The following MOCS1 variants were observed in gnomAD, a reference collection of about 807,000 sequenced individuals.
MOCS1 encodes molybdenum cofactor biosynthesis protein 1.
A neutral mutation model predicts 57.6 loss-of-function variants in MOCS1; 39 were observed. The observed-to-expected ratio is 0.68, with a 90% CI of 0.52 to 0.88. MOCS1 has a LOEUF of 0.88. Among genes scored for constraint, MOCS1 ranks in the 40% least tolerant of loss-of-function variants. The probability of loss-of-function intolerance (pLI) is 0.00; values close to 1 mark genes in which losing one functional copy is unlikely to be tolerated. For missense variants in MOCS1, 795 were observed against 831.1 expected (o/e 0.96, Z 0.53); for synonymous variants, 334 against 335.7 (o/e 1.00, Z 0.05).
intron 1 of MOCS1, 78 bp from the exon 2 acceptor site, chr6:39,927,533 C>T (rs781408309): frequency 1.2e-6 from 2 of 1,611,298 alleles, no homozygotes; most frequent in Non-Finnish European, 1.7e-6. Flanking sequence ...CCGCCTGCCC[C>T]CTCCCTTACT....
In MOCS1 at chr6:39,905,699, G is replaced by A. The variant is rs764149263; in HGVS notation, c.*658C>T. On this transcript the variant is annotated 3_prime_UTR_variant, in exon 11 of 11. Transcript: ENST00000340692. ...GTCCTTAGGGCTATGGCCCATGTGTGCACATCCTGTTTCAGAAGAGGGGGG... is the reference window on the plus strand; with the variant it reads ...GTCCTTAGGGCTATGGCCCATGTGTACACATCCTGTTTCAGAAGAGGGGGG... 1.5e-5 allele frequency: 7 copies of A among 471,074 alleles called. No homozygotes were observed. The highest frequency in any genetic ancestry group is 8.0e-5 in the African/African-American group (4 of 50,076). The allele number at this position is 471,074 out of a possible 1,614,324, so 29.2% of individuals were successfully genotyped here.
intron 1 of MOCS1, among the ~76,000 whole-genome samples, chr6:39,931,566 G>A (rs1361693325): frequency 6.6e-6 from 1 of 152,036 alleles, no homozygotes; most frequent in African/African-American, 2.4e-5. Context: ...AGCTTCTGAG[G>A]AGGACAGTCA....
intron 9 of MOCS1, among the ~76,000 whole-genome samples, chr6:39,909,565 C>T (rs951580565): frequency 6.6e-6 from 1 of 152,076 alleles, no homozygotes; most frequent in Non-Finnish European, 1.5e-5. Flanking sequence ...AATGACACCC[C>T]CTTCTCCCCA....
At chr6:39,928,341 T>C (rs1394289272) in intron 1 of MOCS1, among the ~76,000 whole-genome samples, 1 of 152,126 alleles carries the variant, frequency 6.6e-6, no homozygotes, top group Non-Finnish European at 1.5e-5. Flanking sequence ...ATTTTTTGTA[T>C]CTTTAGTAGA....
chr6:39,931,349 C>T (rs1768633758), intron 1 of MOCS1, among the ~76,000 whole-genome samples: 1 of 152,012 alleles, frequency 6.6e-6, no homozygotes, highest in Non-Finnish European at 1.5e-5. Flanking sequence ...CTAAACAGAG[C>T]AGCAGGGTTA....
chr6:39,924,624 A>C (rs1582831164), intron 3 of MOCS1, among the ~76,000 whole-genome samples: 1 of 152,218 alleles, frequency 6.6e-6, no homozygotes, highest in Non-Finnish European at 1.5e-5. Flanking sequence ...CTTTGTCAAC[A>C]CCATGCAACT....
intron 1 of MOCS1, among the ~76,000 whole-genome samples, chr6:39,933,541 A>T (rs2149428435): frequency 6.6e-6 from 1 of 152,240 alleles, no homozygotes; most frequent in East Asian, 1.9e-4. Flanking sequence ...TACCGAAAAG[A>T]GGTTTCACTA....
rs181482996 is a variant in MOCS1 at position 39,927,148 on chromosome 6, C to T, written c.250+181G>A. ...GGACACAGCTTCTATAATCATACAA[C>T]TCAGCCTTGACCCCTATCTTGCCCC... On this transcript the variant is annotated intron_variant, in intron 2 of 10. Coordinates refer to ENST00000340692, the MANE Select transcript of MOCS1 (RefSeq NM_001358530.2). 23 of 637,966 alleles carry T rather than the reference C, an allele frequency of 3.6e-5. No homozygotes were observed. The East Asian group carries it at 3.6e-4, about 10-fold the overall frequency. 39.5% of individuals were successfully genotyped at this position (637,966 alleles called of 1,614,324 possible).
intron 3 of MOCS1, among the ~76,000 whole-genome samples, chr6:39,922,828 G>T (rs1160936245): frequency 6.6e-6 from 1 of 152,190 alleles, no homozygotes; most frequent in Non-Finnish European, 1.5e-5. Flanking sequence ...CTGCCTCCAG[G>T]TGGGGGCCCC....
chr6:39,931,292 G>A (rs1027801185), intron 1 of MOCS1, among the ~76,000 whole-genome samples: 1 of 152,148 alleles, frequency 6.6e-6, no homozygotes, highest in Non-Finnish European at 1.5e-5. Context: ...CTCATCTTAG[G>A]CATCTGATTT....
chr6:39,927,471 A>T lies in MOCS1; in HGVS notation c.124-16T>A. On this transcript the variant is annotated splice_polypyrimidine_tract_variant and intron_variant, in intron 1 of 10. Transcript: ENST00000340692. Reference sequence around the variant, plus strand: ...TGGACACCTCCTGCGAGGACAGACCAGGGAGGAAGCATGGGCCCCTGCTAC... The same window carrying T: ...TGGACACCTCCTGCGAGGACAGACCTGGGAGGAAGCATGGGCCCCTGCTAC... 1 of 1,610,248 alleles carries T rather than the reference A, an allele frequency of 6.2e-7. No individual in the cohort carries two copies. The highest frequency in any genetic ancestry group is 2.2e-5 in the East Asian group (1 of 44,838).
chr6:39,923,839 A>G (rs1768114846), intron 3 of MOCS1, among the ~76,000 whole-genome samples: 1 of 152,218 alleles, frequency 6.6e-6, no homozygotes, highest in Non-Finnish European at 1.5e-5. Flanking sequence ...CCCCTTATAC[A>G]GCAGCTGCTT....
Position 39,925,779 on chromosome 6 carries a change from T to C in MOCS1, c.317A>G (p.Glu106Gly). 1.2e-6 allele frequency: 2 copies of C among 1,612,826 alleles called. No homozygotes were observed. The highest frequency in any genetic ancestry group is 1.7e-6 in the Non-Finnish European group (2 of 1,179,968). Residue 106 changes from glutamate to glycine, a missense_variant, in exon 3 of 11, where the codon GAG (glutamate) becomes GGG (glycine). This residue lies in a region of MOCS1 where 416 missense variants were observed against 392.4 expected (regional missense o/e 1.06). Coordinates refer to ENST00000340692, the MANE Select transcript of MOCS1 (RefSeq NM_001358530.2). Reference protein sequence around the residue: ...TPKANLLTTEEILTLARLFVK... With the variant: ...TPKANLLTTEGILTLARLFVK... Reference sequence around the variant, plus strand: ...AAAGAGCCGGGCGAGGGTCAGGATCTCCTCTGTGGTCAGCAGGTTGGCTTT... The same window carrying C: ...AAAGAGCCGGGCGAGGGTCAGGATCCCCTCTGTGGTCAGCAGGTTGGCTTT...
Position 39,906,155 on chromosome 6 carries a change from C to A in MOCS1, c.*202G>T, listed in dbSNP as rs1050993199. Reference sequence around the variant, plus strand: ...GGCTTAAGGGCCTGCTGGTATCCTCCCTATAGAAAGGAAGCCCCATTGGTC... The same window carrying A: ...GGCTTAAGGGCCTGCTGGTATCCTCACTATAGAAAGGAAGCCCCATTGGTC... On this transcript the variant is annotated 3_prime_UTR_variant, in exon 11 of 11. Transcript: ENST00000340692. The A allele has an allele frequency of 2.7e-6, 2 of 737,780 alleles. No individual in the cohort carries two copies. Among genetic ancestry groups the A allele is most frequent in the Non-Finnish European group, 4.8e-6 (2 of 416,172 alleles). 45.7% of individuals were successfully genotyped at this position (737,780 alleles called of 1,614,324 possible). A position where few individuals can be genotyped will look rare whatever the true frequency, so the allele number is the denominator to read the frequency against.
At chr6:39,933,248 C>T (rs183075659) in intron 1 of MOCS1, among the ~76,000 whole-genome samples, 136 of 152,200 alleles carry the variant, frequency 8.9e-4, no homozygotes, top group Non-Finnish European at 1.4e-3. Context: ...GGGTGGGGGG[C>T]TGGAGAAGAA....
chr6:39,906,758 GCT>G lies in MOCS1; in HGVS notation c.1508_1509del (p.Glu503AlafsTer103), dbSNP rs397518419. 6 of 1,614,210 alleles carry G rather than the reference GCT, an allele frequency of 3.7e-6. No individual in the cohort carries two copies. The highest frequency in any genetic ancestry group is 1.7e-5 in the Admixed American group (1 of 60,036). On this transcript the variant is annotated frameshift_variant, in exon 11 of 11. Transcript: ENST00000340692. LOFTEE classifies it high-confidence loss of function. ...ACCACGGCTGAAGCCACAGCCACCCGCTCTGTGTCTGGCTTCCTGCCCACATC... is the reference window on the plus strand; with the variant it reads ...ACCACGGCTGAAGCCACAGCCACCCGCTGTGTCTGGCTTCCTGCCCACATC... ...MVDVGRKPDT[E>X]RVAVASAVVL... is the part of the protein sequence containing the mutation.
chr6:39,912,702 C>T (rs1767407477), intron 7 of MOCS1, among the ~76,000 whole-genome samples, 190 bp downstream of exon 7: 1 of 152,192 alleles, frequency 6.6e-6, no homozygotes, highest in Non-Finnish European at 1.5e-5. Flanking sequence ...GAGCCCCCCA[C>T]CCTAGCCGAG....
intron 1 of MOCS1, among the ~76,000 whole-genome samples, chr6:39,928,319 T>G (rs1014368210): frequency 6.6e-6 from 1 of 152,216 alleles, no homozygotes; most frequent in East Asian, 1.9e-4. Context: ...CACCCGCCAC[T>G]GCACCCGGCT....
chr6:39,904,906 G>C lies in MOCS1; in HGVS notation c.*1451C>G, dbSNP rs1340466263. 1 of 454,072 alleles carries C rather than the reference G, an allele frequency of 2.2e-6. No individual in the cohort carries two copies. The highest frequency in any genetic ancestry group is 2.3e-5 in the Admixed American group (1 of 42,576). The allele number at this position is 454,072 out of a possible 1,614,324, so 28.1% of individuals were successfully genotyped here. A position where few individuals can be genotyped will look rare whatever the true frequency, so the allele number is the denominator to read the frequency against. On this transcript the variant is annotated 3_prime_UTR_variant, in exon 11 of 11. Coordinates refer to ENST00000340692, the MANE Select transcript of MOCS1 (RefSeq NM_001358530.2). ...AACTTGTGCCTTCTTCCTATGAGGG[G>C]ATCTGGGGTGGGCTGAGAGTGTGCT...
Sources: allele counts gnomAD v4.1 joint callset (sites outside exome capture counted in the v4.1 genomes callset), GRCh38; gene constraint gnomAD v4.1.1; regional missense constraint gnomAD v4.1.1; transcripts MANE v1.5; gene names NCBI Gene and HGNC (gene_info 2026-07-23, HGNC 2026-07-21).